ROR1: variants seen among roughly 807,000 people sequenced by gnomAD.
ROR1 encodes the protein inactive tyrosine-protein kinase transmembrane receptor ROR1.
Under a neutral mutation model 78.8 loss-of-function variants are expected in ROR1, and 19 were observed. The observed-to-expected ratio is 0.24, with a 90% CI of 0.17 to 0.35. The LOEUF (loss-of-function observed/expected upper bound fraction) is 0.35. ROR1 is among the 10% of genes least tolerant of loss of function. The pLI is 1.00. For missense variants in ROR1, 917 were observed against 1,177.8 expected (o/e 0.78, Z 3.24); for synonymous variants, 386 against 433.6 (o/e 0.89, Z 1.36).
chr1:64,111,281 G>C (rs191564895), intron 4 of ROR1: 1 of 152,280 alleles, frequency 6.6e-6, no homozygotes, highest in East Asian at 1.9e-4. Flanking sequence ...CAGGATAATA[G>C]CTTTGTTATC....
intron 1 of ROR1, among the ~76,000 whole-genome samples, chr1:63,858,848 C>G (rs531935040): frequency 2.4e-4 from 37 of 152,236 alleles, no homozygotes; most frequent in South Asian, 2.3e-3. Context: ...AAGTGTACTA[C>G]TCGGCACATA....
chr1:63,906,047 A>G (rs545597734), intron 1 of ROR1, among the ~76,000 whole-genome samples: 23 of 152,322 alleles, frequency 1.5e-4, no homozygotes, highest in Non-Finnish European at 2.9e-4. Context: ...GTTATTTCCT[A>G]TAGACATTTT....
intron 1 of ROR1, among the ~76,000 whole-genome samples, chr1:63,959,830 C>T (rs1347803093): frequency 1.3e-5 from 2 of 152,208 alleles, no homozygotes; most frequent in Non-Finnish European, 2.9e-5. Context: ...TTGGATTCTT[C>T]ATGTCCTTCA....
At chr1:63,958,367 GACA>G (rs1488853152) in intron 1 of ROR1, among the ~76,000 whole-genome samples, 1 of 151,940 alleles carries the variant, frequency 6.6e-6, no homozygotes, top group Non-Finnish European at 1.5e-5. Flanking sequence ...TTAACAATTT[GACA>G]ACGAGAACAT....
intron 8 of ROR1, among the ~76,000 whole-genome samples, chr1:64,167,637 A>G (rs1217325075): frequency 6.6e-6 from 1 of 152,236 alleles, no homozygotes; most frequent in Non-Finnish European, 1.5e-5. Context: ...TAAAATGCAC[A>G]AGAAAGGAAA....
chr1:64,048,411 G>C (rs1219276850), intron 2 of ROR1, among the ~76,000 whole-genome samples: 1 of 152,178 alleles, frequency 6.6e-6, no homozygotes, highest in Non-Finnish European at 1.5e-5. Flanking sequence ...AGGATGCAGT[G>C]ATGACCAGAA....
At chr1:64,142,267 C>T in intron 6 of ROR1, 138 bp from the exon 7 acceptor site, 1 of 1,387,942 alleles carries the variant, frequency 7.2e-7, no homozygotes, top group South Asian at 1.4e-5. Flanking sequence ...GACTGTCCTG[C>T]ATGGCCCCTG....
intron 6 of ROR1, among the ~76,000 whole-genome samples, chr1:64,140,874 A>G (rs925033378): frequency 3.3e-5 from 5 of 152,244 alleles, no homozygotes; most frequent in Non-Finnish European, 5.9e-5. Flanking sequence ...CATAAAAAGG[A>G]ATGAAATACA....
At chr1:64,019,058 T>G (rs943314320) in intron 2 of ROR1, among the ~76,000 whole-genome samples, 2 of 152,184 alleles carry the variant, frequency 1.3e-5, no homozygotes, top group African/African-American at 4.8e-5. Flanking sequence ...TCTGTTCTCC[T>G]CCTCCCCTCA....
chr1:63,776,818 T>C (rs71645555), intron 1 of ROR1, among the ~76,000 whole-genome samples: 1 of 152,142 alleles, frequency 6.6e-6, no homozygotes, highest in Non-Finnish European at 1.5e-5. Context: ...GTTATTATTG[T>C]CTTATTTGTT....
chr1:64,013,966 C>T (rs1570058996), intron 2 of ROR1, among the ~76,000 whole-genome samples: 1 of 152,336 alleles, frequency 6.6e-6, no homozygotes, highest in East Asian at 1.9e-4. Flanking sequence ...GCAGGTTGCA[C>T]GCATCATTTG....
At chr1:64,031,541 T>A (rs1401951083) in intron 2 of ROR1, among the ~76,000 whole-genome samples, 2 of 152,248 alleles carry the variant, frequency 1.3e-5, no homozygotes, top group Admixed American at 1.3e-4. Flanking sequence ...AAAGCCAGGC[T>A]CTTATCAGAC....
intron 4 of ROR1, among the ~76,000 whole-genome samples, chr1:64,098,760 A>G (rs1192052165): frequency 6.6e-6 from 1 of 152,160 alleles, no homozygotes; most frequent in African/African-American, 2.4e-5. Flanking sequence ...GTGGGGCAGA[A>G]TCAGCTCTGT....
chr1:63,881,285 T>C (rs1313714012), intron 1 of ROR1, among the ~76,000 whole-genome samples: 1 of 152,206 alleles, frequency 6.6e-6, no homozygotes, highest in Admixed American at 6.6e-5. Flanking sequence ...ACAATCCTCA[T>C]GATATACATT....
At chr1:64,021,693 T>C (rs1163450298) in intron 2 of ROR1, among the ~76,000 whole-genome samples, 2 of 152,188 alleles carry the variant, frequency 1.3e-5, no homozygotes, top group Non-Finnish European at 2.9e-5. Context: ...TCTGTGTGTA[T>C]AGGGAGGAAA....
chr1:64,174,154 G>A (rs1386096715), intron 8 of ROR1, among the ~76,000 whole-genome samples: 1 of 152,096 alleles, frequency 6.6e-6, no homozygotes, highest in African/African-American at 2.4e-5. Flanking sequence ...CTTATTAGGT[G>A]GGAATTACGT....
At chr1:63,840,424 T>G (rs574790404) in intron 1 of ROR1, among the ~76,000 whole-genome samples, 2 of 151,630 alleles carry the variant, frequency 1.3e-5, no homozygotes, top group Admixed American at 6.6e-5. Flanking sequence ...GGACTACAGG[T>G]ACACGCCACC....
chr1:64,158,969 T>A lies in ROR1; in HGVS notation c.1175-12T>A. ...GAGTATAACTTTTGCTCTTTTTCAT[T>A]TCTGCACCCAGATTCAAAGGATTCC... On this transcript the variant is annotated splice_polypyrimidine_tract_variant and intron_variant, in intron 7 of 8. Transcript: ENST00000371079. 6.2e-7 allele frequency: 1 copy of A among 1,609,468 alleles called. No homozygotes were observed. The highest frequency in any genetic ancestry group is 8.5e-7 in the Non-Finnish European group (1 of 1,175,934).
intron 1 of ROR1, chr1:63,788,885 G>A (rs781733984): frequency 6.8e-6 from 6 of 879,492 alleles, no homozygotes; most frequent in Admixed American, 1.8e-5. Context: ...TTGTGGATGT[G>A]TTCCATGAGA....
Sources: allele counts gnomAD v4.1 joint callset (sites outside exome capture counted in the v4.1 genomes callset), GRCh38; gene constraint gnomAD v4.1.1; transcripts MANE v1.5; gene names NCBI Gene and HGNC (gene_info 2026-07-23, HGNC 2026-07-21).